Variants in HSPB8 observed in about 807,000 individuals in gnomAD.
HSPB8 encodes heat shock protein family B (small) member 8.
HSPB8 carries 9 observed loss-of-function variants against 16.5 expected under a neutral mutation model. The ratio of observed to expected loss-of-function variants is 0.55; its 90% CI spans 0.33 to 0.95. The LOEUF is 0.95. HSPB8 is among the 40% of genes least tolerant of loss of function. The pLI is 0.03. For synonymous variants in HSPB8, 99 were observed against 94.8 expected, an observed-to-expected ratio of 1.04 and a Z score of -0.26; for missense variants, 238 against 251.2, an observed-to-expected ratio of 0.95 and a Z score of 0.35.
rs572897650 is a variant in HSPB8 at position 119,186,067 on chromosome 12, ACTCT to A, written c.368-953_368-950del. On this transcript the variant is annotated intron_variant, in intron 1 of 2. Coordinates refer to ENST00000281938, the MANE Select transcript of HSPB8 (RefSeq NM_014365.3). The stretch of plus-strand genomic sequence containing the variant: ...GTTTGTTTAAAGAGAAACTACAGAC[ACTCT>A]CTCTATTAAAGAAAAAAAGAATGAG... 4.8e-3 allele frequency among the ~76,000 whole-genome samples: 734 copies of A among 152,234 alleles called. 6 individuals are homozygous for A. The highest frequency in any genetic ancestry group is 7.7e-3 in the Non-Finnish European group (521 of 68,018).
intron 2 of HSPB8, 55 bp from the exon 3 acceptor site, chr12:119,193,644 A>T: frequency 6.4e-7 from 1 of 1,572,304 alleles, no homozygotes; most frequent in Non-Finnish European, 8.8e-7. Flanking sequence ...TGAATAAAAG[A>T]ATGTTTAAGC....
rs758080795 is a variant in HSPB8 at position 119,193,892 on chromosome 12, C to T, written c.*34C>T. 6.2e-7 allele frequency: 1 copy of T among 1,609,492 alleles called. No individual in the cohort carries two copies. The highest frequency in any genetic ancestry group is 1.1e-5 in the South Asian group (1 of 90,978). On this transcript the variant is annotated 3_prime_UTR_variant, in exon 3 of 3. Coordinates refer to ENST00000281938, the MANE Select transcript of HSPB8 (RefSeq NM_014365.3). Reference sequence around the variant, plus strand: ...TACTGGCCCATCCTTGTTTTGTCCCCAACCCTAGGGCTTCTCTGATTCCAG... The same window carrying T: ...TACTGGCCCATCCTTGTTTTGTCCCTAACCCTAGGGCTTCTCTGATTCCAG...
chr12:119,182,402 G>A (rs925731719), intron 1 of HSPB8, among the ~76,000 whole-genome samples: 1 of 152,146 alleles, frequency 6.6e-6, no homozygotes, highest in Admixed American at 6.5e-5. Flanking sequence ...ATTTTGGGAG[G>A]CCAAGGCGGG....
rs191023007 is a variant in HSPB8, at chr12:119,194,647, G to A, written c.*789G>A. 2.6e-4 allele frequency: 57 copies of A among 215,442 alleles called. No individual in the cohort carries two copies. Among genetic ancestry groups the A allele is most frequent in the African/African-American group, 1.0e-3 (46 of 43,994 alleles). The allele number at this position is 215,442 out of a possible 1,614,324, so 13.3% of individuals were successfully genotyped here. ...GTGGTATTGTGTATATGGGCGGGAC[G>A]TGTGTGTCATTATTATTTGAGTTAT... On this transcript the variant is annotated 3_prime_UTR_variant, in exon 3 of 3. Transcript: ENST00000281938.
chr12:119,186,859 C>A (rs1954679341), intron 1 of HSPB8, 166 bp from the exon 2 acceptor site: 3 of 695,970 alleles, frequency 4.3e-6, no homozygotes, highest in Non-Finnish European at 7.8e-6. Context: ...TTAGGTGGGT[C>A]TGTATGGCAG....
chr12:119,181,384 A>C (rs994332724), intron 1 of HSPB8, among the ~76,000 whole-genome samples: 1 of 152,200 alleles, frequency 6.6e-6, no homozygotes, highest in Non-Finnish European at 1.5e-5. Flanking sequence ...TCCAGGTCAC[A>C]GGTAGGTGAG....
chr12:119,183,922 T>C (rs1341327934), intron 1 of HSPB8, among the ~76,000 whole-genome samples: 1 of 152,184 alleles, frequency 6.6e-6, no homozygotes, highest in Non-Finnish European at 1.5e-5. Flanking sequence ...ACCACAAGTG[T>C]TTACCTTCAC....
chr12:119,184,799 G>T (rs7303637), intron 1 of HSPB8, among the ~76,000 whole-genome samples: 14,492 of 152,176 alleles, frequency 0.095, 916 homozygotes, highest in East Asian at 0.22. Context: ...CGAAGTTCTC[G>T]CCAACGTTGG....
At chr12:119,182,654 T>A (rs1274028912) in intron 1 of HSPB8, among the ~76,000 whole-genome samples, 2 of 151,562 alleles carry the variant, frequency 1.3e-5, no homozygotes, top group Non-Finnish European at 3.0e-5. Context: ...AAATAAAAAA[T>A]AAAAATAAAT....
rs906998876 is a variant in HSPB8, at chr12:119,179,629, A to G, written c.317A>G (p.Lys106Arg). ...WKVCVNVHSFKPEELMVKTKD... is the reference protein window; with the variant it reads ...WKVCVNVHSFRPEELMVKTKD... The stretch of plus-strand genomic sequence containing the variant: ...GTGTGTGTGAATGTGCACAGCTTCA[A>G]GCCAGAGGAGTTGATGGTGAAGACC... Residue 106 changes from lysine to arginine, a missense_variant, in exon 1 of 3, where the codon AAG (lysine) becomes AGG (arginine). Lys to Arg is a conservative substitution (Grantham distance 26). Coordinates refer to ENST00000281938, the MANE Select transcript of HSPB8 (RefSeq NM_014365.3). 4 of 1,597,676 alleles carry G rather than the reference A, an allele frequency of 2.5e-6. No homozygotes were observed. Among genetic ancestry groups the G allele is most frequent in the African/African-American group, 1.3e-5 (1 of 74,296 alleles).
chr12:119,179,406 G>T lies in HSPB8; in HGVS notation c.94G>T (p.Asp32Tyr). Residue 32 changes from aspartate to tyrosine, a missense_variant, in exon 1 of 3, where the codon GAT becomes TAT. By Grantham distance (160) the Asp-to-Tyr change is radical (BLOSUM62 -3). Coordinates refer to ENST00000281938, the MANE Select transcript of HSPB8 (RefSeq NM_014365.3). The part of the protein sequence containing the change: ...RDSPLSSRLL[D>Y]DGFGMDPFPD... Reference sequence around the variant, plus strand: ...CTCTCCCCTCTCCTCTCGCCTGCTGGATGATGGCTTTGGCATGGACCCCTT... The same window carrying T: ...CTCTCCCCTCTCCTCTCGCCTGCTGTATGATGGCTTTGGCATGGACCCCTT... 1 of 1,614,114 alleles carries T rather than the reference G, an allele frequency of 6.2e-7. No individual in the cohort carries two copies. Among genetic ancestry groups the T allele is most frequent in the Non-Finnish European group, 8.5e-7 (1 of 1,180,020 alleles).
chr12:119,183,526 G>A (rs1954653030), intron 1 of HSPB8, among the ~76,000 whole-genome samples: 1 of 152,156 alleles, frequency 6.6e-6, no homozygotes, highest in African/African-American at 2.4e-5. Context: ...AAAAAAGCAT[G>A]TCTGCAAGGG....
rs1861838967 is a variant in HSPB8 at position 119,187,006 on chromosome 12, A to G, written c.368-19A>G. 1 of 1,613,294 alleles carries G rather than the reference A, an allele frequency of 6.2e-7. No homozygotes were observed. ...CAAGGAACATAGATGCTGACACGCC[A>G]CACTTTTCTTCCTTCCAGGCAAACA... On this transcript the variant is annotated intron_variant, in intron 1 of 2. Coordinates refer to ENST00000281938, the MANE Select transcript of HSPB8 (RefSeq NM_014365.3).
chr12:119,180,526 G>A (rs1220454570), intron 1 of HSPB8, among the ~76,000 whole-genome samples: 2 of 152,154 alleles, frequency 1.3e-5, no homozygotes, highest in African/African-American at 4.8e-5. Flanking sequence ...TGAGGCCTAG[G>A]TGGGACTCGT....
At chr12:119,186,792 C>G in intron 1 of HSPB8, 1 of 554,346 alleles carries the variant, frequency 1.8e-6, no homozygotes, top group Non-Finnish European at 3.2e-6. Context: ...CCACGGTCTA[C>G]GCCTCCTTTC....
At chr12:119,192,786 G>A (rs1247045460) in intron 2 of HSPB8, among the ~76,000 whole-genome samples, 1 of 152,070 alleles carries the variant, frequency 6.6e-6, no homozygotes, top group Non-Finnish European at 1.5e-5. Flanking sequence ...AGTTTTAATG[G>A]ACTCACAGTT....
rs759005659 is a variant in HSPB8 at position 119,179,364 on chromosome 12, C to T, written c.52C>T (p.Arg18Ter). The change falls in exon 1 of 3, where the codon CGA (arginine) becomes TGA (stop). Residue 18 changes from arginine to a stop codon, truncating the protein, a stop_gained. Transcript: ENST00000281938. LOFTEE classifies it high-confidence loss of function. ...FSCHYPSRLRRDPFRDSPLSS... is the reference protein window; with the variant it reads ...FSCHYPSRLR ...CTGCCACTACCCAAGCCGCCTGCGC[C>T]GAGACCCCTTCCGGGACTCTCCCCT... is the stretch of plus-strand genomic sequence containing the variant. 4 of 1,614,014 alleles carry T rather than the reference C, an allele frequency of 2.5e-6. No homozygotes were observed. Among genetic ancestry groups the T allele is most frequent in the African/African-American group, 1.3e-5 (1 of 74,920 alleles).
At chr12:119,186,685 G>A (rs922714369) in intron 1 of HSPB8, 31 of 339,856 alleles carry the variant, frequency 9.1e-5, no homozygotes, top group African/African-American at 5.9e-4. Flanking sequence ...GAGGAGTCAG[G>A]TGGGAGACTT....
chr12:119,189,304 T>G (rs757972161), intron 2 of HSPB8, among the ~76,000 whole-genome samples: 3 of 67,968 alleles, frequency 4.4e-5, no homozygotes, highest in Non-Finnish European at 7.3e-5. Context: ...TTAAAAGGGG[T>G]GTGTGTGTGT....
Sources: gnomAD v4.1 joint callset for allele counts (sites outside exome capture counted in the v4.1 genomes callset) on GRCh38, gnomAD v4.1.1 for gene constraint, MANE v1.5 for transcripts, NCBI Gene and HGNC (gene_info 2026-07-23, HGNC 2026-07-21) for gene names.